Variants in PCDHA8 observed in about 807,000 individuals in gnomAD.
PCDHA8 encodes the protein protocadherin alpha-8.
In PCDHA8, 53 loss-of-function variants were observed where a neutral mutation model predicts 61.8. The ratio of observed to expected loss-of-function variants is 0.86; its 90% CI spans 0.69 to 1.08. PCDHA8 has a LOEUF of 1.08. PCDHA8 is among the 50% of genes least tolerant of loss of function. The pLI is 0.00. For synonymous variants in PCDHA8, 618 were observed against 556.6 expected (o/e 1.11, Z -1.55); for missense variants, 1,293 against 1,245.0 (o/e 1.04, Z -0.58).
intron 1 of PCDHA8, among the ~76,000 whole-genome samples, chr5:140,900,607 C>T (rs1340239730): frequency 6.6e-6 from 1 of 152,170 alleles, no homozygotes; most frequent in Non-Finnish European, 1.5e-5. Context: ...TGATGATGGA[C>T]ATGTAGATTG....
intron 3 of PCDHA8, among the ~76,000 whole-genome samples, chr5:140,997,525 A>G (rs1293979369): frequency 6.6e-6 from 1 of 152,242 alleles, no homozygotes; most frequent in African/African-American, 2.4e-5. Flanking sequence ...AAAAAGTACA[A>G]TAAAAATACA....
intron 1 of PCDHA8, among the ~76,000 whole-genome samples, chr5:140,897,728 A>G (rs1554187548): frequency 6.6e-6 from 1 of 152,092 alleles, no homozygotes; most frequent in Non-Finnish European, 1.5e-5. Flanking sequence ...TGGGTCAAAT[A>G]GTATTTCTAG....
intron 1 of PCDHA8, chr5:140,857,591 A>C: frequency 6.3e-7 from 1 of 1,596,270 alleles, no homozygotes; most frequent in Non-Finnish European, 8.6e-7. Flanking sequence ...GGAGAGCGGC[A>C]AGGTGTACGC....
intron 1 of PCDHA8, chr5:140,876,824 A>G (rs1554168970): frequency 1.2e-6 from 2 of 1,614,116 alleles, no homozygotes; most frequent in Non-Finnish European, 1.7e-6. Context: ...GTGAACGACA[A>G]TGCGCCTGCG....
chr5:140,899,848 C>T (rs2067590475), intron 1 of PCDHA8, among the ~76,000 whole-genome samples: 1 of 152,178 alleles, frequency 6.6e-6, no homozygotes, highest in Non-Finnish European at 1.5e-5. Flanking sequence ...TGCTGTGTCA[C>T]CCAGGCTGGA....
intron 1 of PCDHA8, among the ~76,000 whole-genome samples, chr5:140,893,033 A>G (rs1246631946): frequency 1.3e-5 from 2 of 152,230 alleles, no homozygotes; most frequent in African/African-American, 2.4e-5. Flanking sequence ...TTCACTTAAC[A>G]TATGCCCTCC....
At chr5:140,952,921 A>G (rs1385762046) in intron 1 of PCDHA8, among the ~76,000 whole-genome samples, 4 of 152,138 alleles carry the variant, frequency 2.6e-5, no homozygotes, top group African/African-American at 4.8e-5. Context: ...ACATGGCATG[A>G]GCAGGAGCAG....
At position 140,852,208 on chromosome 5, in the gene PCDHA8, C is replaced by G. The variant is rs536842960; in HGVS notation, c.2394+8493C>G. On this transcript the variant is annotated intron_variant, in intron 1 of 3. Transcript: ENST00000531613. ...AAATGCCAGTAACGTTTATTTAAAA[C>G]AAAATATTTTAATTTTTAAATTTTC... 9.1e-6 allele frequency: 6 copies of G among 657,544 alleles called. No homozygotes were observed. In the African/African-American group the frequency reaches 1.2e-4, roughly 13 times the overall value. The allele number at this position is 657,544 out of a possible 1,614,324, so 40.7% of individuals were successfully genotyped here. A position where few individuals can be genotyped will look rare whatever the true frequency, so the allele number is the denominator to read the frequency against.
chr5:140,887,124 T>G (rs1554182893), intron 1 of PCDHA8, among the ~76,000 whole-genome samples: 2 of 151,068 alleles, frequency 1.3e-5, no homozygotes, highest in Admixed American at 6.6e-5. Flanking sequence ...TGAGACGGAG[T>G]CTCACTCTGT....
chr5:140,988,403 C>T (rs1054317981), intron 3 of PCDHA8, among the ~76,000 whole-genome samples: 3 of 152,036 alleles, frequency 2.0e-5, no homozygotes, highest in African/African-American at 4.8e-5. Context: ...GAGTTCTCTT[C>T]GCAGCTTATG....
intron 1 of PCDHA8, among the ~76,000 whole-genome samples, chr5:140,903,156 T>G (rs1287323901): frequency 6.6e-6 from 1 of 152,232 alleles, no homozygotes; most frequent in Non-Finnish European, 1.5e-5. Flanking sequence ...CCATAGTGGT[T>G]GTGCTGGTTT....
chr5:141,010,118 T>C lies in PCDHA8; in HGVS notation c.*181T>C. 6.2e-7 allele frequency: 1 copy of C among 1,608,728 alleles called. No homozygotes were observed. The highest frequency in any genetic ancestry group is 8.5e-7 in the Non-Finnish European group (1 of 1,177,116). ...TTAACAGGTTTTGTCGTAAAAGCTT[T>C]ACTAAGTCTGGTGTTAACTCTTTCT... On this transcript the variant is annotated 3_prime_UTR_variant, in exon 4 of 4. Transcript: ENST00000531613.
At chr5:140,895,367 CT>C (rs35382025) in intron 1 of PCDHA8, among the ~76,000 whole-genome samples, 1 of 152,014 alleles carries the variant, frequency 6.6e-6, no homozygotes, top group Non-Finnish European at 1.5e-5. Context: ...CTTATTGGCA[CT>C]TTTTGGAGTT....
chr5:140,857,483 T>C lies in PCDHA8; in HGVS notation c.2394+13768T>C, dbSNP rs781790244. 2.8e-5 allele frequency: 44 copies of C among 1,598,450 alleles called. 2 individuals carry two copies. Among genetic ancestry groups the C allele is most frequent in the Non-Finnish European group, 3.2e-5 (37 of 1,167,868 alleles). On this transcript the variant is annotated intron_variant, in intron 1 of 3. Transcript: ENST00000531613. ...CTGCCACATCTTCACGGTGTCTGCG[T>C]GGGACGCGGACGCGCAGGAGAACGC...
At chr5:140,857,947 G>T (rs782434773) in intron 1 of PCDHA8, 1 of 1,597,414 alleles carries the variant, frequency 6.3e-7, no homozygotes, top group East Asian at 2.2e-5. Flanking sequence ...TCAGTACGAC[G>T]CGCGCTCTGG....
chr5:140,877,121 C>A, intron 1 of PCDHA8: 1 of 1,613,694 alleles, frequency 6.2e-7, no homozygotes, highest in African/African-American at 1.3e-5. Flanking sequence ...AGCAACGTGA[C>A]GCTGCAGGTG....
At chr5:140,882,534 G>C in intron 1 of PCDHA8, 1 of 1,614,204 alleles carries the variant, frequency 6.2e-7, no homozygotes. Flanking sequence ...GTGAATTCTC[G>C]GATCGACCGC....
chr5:140,923,055 A>G (rs1233279179), intron 1 of PCDHA8, among the ~76,000 whole-genome samples: 1 of 152,236 alleles, frequency 6.6e-6, no homozygotes, highest in African/African-American at 2.4e-5. Flanking sequence ...TTTAGAATAA[A>G]AGAGCTAGGT....
rs782463268 is a variant in PCDHA8, at chr5:140,941,198, TCTTCCTTTCTTTCTTC to T, written c.2395-37747_2395-37732del. On this transcript the variant is annotated intron_variant, in intron 1 of 3. Transcript: ENST00000531613. ...AACATCCTGCTTCTTTTTTTTTCTTTCTTCCTTTCTTTCTTCCTTTCTTTCTTTCTTTCTTTCTTTC... is the reference window on the plus strand; with the variant it reads ...AACATCCTGCTTCTTTTTTTTTCTTTCTTTCTTTCTTTCTTTCTTTCTTTC... 2.9e-3 allele frequency among the ~76,000 whole-genome samples: 353 copies of T among 119,898 alleles called. 1 individual carries two copies. Among genetic ancestry groups the T allele is most frequent in the African/African-American group, 8.8e-3 (254 of 28,982 alleles). The allele number at this position is 119,898 out of a possible 152,430, so 78.7% of individuals were successfully genotyped here.
Sources: allele counts gnomAD v4.1 joint callset (sites outside exome capture counted in the v4.1 genomes callset), GRCh38; gene constraint gnomAD v4.1.1; transcripts MANE v1.5; gene names NCBI Gene and HGNC (gene_info 2026-07-23, HGNC 2026-07-21).